Variants in PRKG1 observed in about 807,000 individuals in gnomAD.
PRKG1 encodes protein kinase cGMP-dependent 1.
Under a neutral mutation model 88.1 loss-of-function variants are expected in PRKG1, and 35 were observed. The ratio of observed to expected loss-of-function variants is 0.40; its 90% CI spans 0.30 to 0.53. The LOEUF is 0.53. Ranked by LOEUF, PRKG1 falls within the 20% of genes least tolerant of loss-of-function variation. The pLI is 0.59. For synonymous variants in PRKG1, 303 were observed against 292.5 expected (o/e 1.04, Z -0.37); for missense variants, 540 against 839.8 (o/e 0.64, Z 4.41).
intron 2 of PRKG1, among the ~76,000 whole-genome samples, chr10:51,445,315 C>G (rs1248269393): frequency 6.6e-6 from 1 of 151,764 alleles, no homozygotes; most frequent in Admixed American, 6.6e-5. Flanking sequence ...AAAGCTTTAT[C>G]GTAATCATCA....
intron 5 of PRKG1, among the ~76,000 whole-genome samples, chr10:51,999,818 A>G (rs556641502): frequency 6.6e-6 from 1 of 152,218 alleles, no homozygotes; most frequent in East Asian, 1.9e-4. Context: ...ATTTTAAGGG[A>G]TCATGAGATA....
rs1349341764 is a variant in PRKG1, at chr10:51,990,774, G to A, written c.763-63710G>A. On this transcript the variant is annotated intron_variant, in intron 5 of 17. Coordinates refer to ENST00000373980, the MANE Select transcript of PRKG1 (RefSeq NM_006258.4). Reference sequence around the variant, plus strand: ...CTGTTGTTCCTCTCTATGTGTCCATGCGTTCTCATCATTCAGTTCCCACTT... The same window carrying A: ...CTGTTGTTCCTCTCTATGTGTCCATACGTTCTCATCATTCAGTTCCCACTT... 2.0e-5 allele frequency among the ~76,000 whole-genome samples: 3 copies of A among 151,974 alleles called. No individual in the cohort carries two copies. In the East Asian group the frequency reaches 5.8e-4, roughly 29 times the overall value.
chr10:52,030,923 A>G (rs910424001), intron 5 of PRKG1, among the ~76,000 whole-genome samples: 1 of 152,202 alleles, frequency 6.6e-6, no homozygotes, highest in Non-Finnish European at 1.5e-5. Flanking sequence ...TAGGTAAATT[A>G]TATAATGTAT....
At chr10:51,252,152 A>G (rs1429015377) in intron 2 of PRKG1, among the ~76,000 whole-genome samples, 1 of 151,832 alleles carries the variant, frequency 6.6e-6, no homozygotes, top group African/African-American at 2.4e-5. Flanking sequence ...AGCCGCACAG[A>G]TGACAGAAGC....
At chr10:51,529,381 T>C (rs1379466458) in intron 3 of PRKG1, among the ~76,000 whole-genome samples, 1 of 152,208 alleles carries the variant, frequency 6.6e-6, no homozygotes, top group East Asian at 1.9e-4. Flanking sequence ...TGTTCATTGC[T>C]TGAAGCTCTT....
At chr10:51,289,016 A>G (rs2132218486) in intron 2 of PRKG1, among the ~76,000 whole-genome samples, 1 of 152,184 alleles carries the variant, frequency 6.6e-6, no homozygotes, top group East Asian at 1.9e-4. Flanking sequence ...TATTATCTAG[A>G]ATGGAAAGGC....
intron 2 of PRKG1, among the ~76,000 whole-genome samples, chr10:51,203,257 G>T (rs1399818334): frequency 6.6e-6 from 1 of 152,068 alleles, no homozygotes; most frequent in Non-Finnish European, 1.5e-5. Context: ...TCAAACATTG[G>T]TGACAATTTA....
chr10:51,895,450 C>T (rs1841820246), intron 4 of PRKG1, among the ~76,000 whole-genome samples: 1 of 152,004 alleles, frequency 6.6e-6, no homozygotes, highest in African/African-American at 2.4e-5. Context: ...GGCCTGTTTC[C>T]CAGGCTTTTT....
intron 1 of PRKG1, among the ~76,000 whole-genome samples, chr10:51,138,670 G>GTTTTTTTTTT (rs1402122952): frequency 8.9e-5 from 6 of 67,046 alleles, no homozygotes; most frequent in Non-Finnish European, 1.9e-4. Context: ...TGGACATTGA[G>GTTTTTTTTTT]TTTTGTTTTT....
intron 3 of PRKG1, among the ~76,000 whole-genome samples, chr10:51,737,140 A>T (rs1837300309): frequency 6.6e-6 from 1 of 152,162 alleles, no homozygotes; most frequent in Non-Finnish European, 1.5e-5. Context: ...TACCTAAAGG[A>T]ACTACTATTT....
chr10:51,367,801 G>A (rs1842621331), intron 2 of PRKG1, among the ~76,000 whole-genome samples: 1 of 151,914 alleles, frequency 6.6e-6, no homozygotes, highest in Middle Eastern at 3.4e-3. Context: ...GTAGTAAATT[G>A]GTATTCTCTT....
chr10:52,199,778 G>T (rs1247006124), intron 9 of PRKG1, among the ~76,000 whole-genome samples: 1 of 152,130 alleles, frequency 6.6e-6, no homozygotes. Flanking sequence ...TTTTAAGGAT[G>T]CAGACCTTGG....
In PRKG1 at chr10:51,623,972, C is replaced by A. The variant is rs1434257034; in HGVS notation, c.592+156136C>A. ...ATAGACCCCAGACACCACTCCACAA[C>A]CCCTGGGGCCAAGAGATGATTAGCG... is the stretch of plus-strand genomic sequence containing the variant. On this transcript the variant is annotated intron_variant, in intron 3 of 17. Coordinates refer to ENST00000373980, the MANE Select transcript of PRKG1 (RefSeq NM_006258.4). Among the ~76,000 whole-genome samples the A allele has an allele frequency of 3.3e-5, 5 of 152,168 alleles. No homozygotes were observed. The East Asian group carries it at 9.6e-4, about 29-fold the overall frequency.
intron 4 of PRKG1, among the ~76,000 whole-genome samples, chr10:51,814,429 A>G (rs955219011): frequency 1.4e-4 from 20 of 141,840 alleles, no homozygotes; most frequent in Admixed American, 1.3e-4. Context: ...GGGGGCTGTT[A>G]GAACTTAATT....
At chr10:51,064,092 A>G (rs544168079) in intron 1 of PRKG1, among the ~76,000 whole-genome samples, 1 of 152,248 alleles carries the variant, frequency 6.6e-6, no homozygotes, top group African/African-American at 2.4e-5. Context: ...TTTGCTAAAA[A>G]TATTATTTTT....
intron 1 of PRKG1, among the ~76,000 whole-genome samples, chr10:51,078,306 C>T (rs1005884459): frequency 1.6e-4 from 24 of 151,878 alleles, no homozygotes; most frequent in Non-Finnish European, 7.4e-5. Flanking sequence ...GTAACCTCCG[C>T]CTCCAGGGTT....
intron 2 of PRKG1, among the ~76,000 whole-genome samples, chr10:51,305,534 A>T (rs72803184): frequency 0.079 from 12,030 of 152,146 alleles, 617 homozygotes; most frequent in Non-Finnish European, 0.12. Context: ...AAATCCTCAA[A>T]AACAAAAACT....
intron 3 of PRKG1, among the ~76,000 whole-genome samples, chr10:51,580,694 T>C (rs1015218317): frequency 2.7e-5 from 4 of 147,708 alleles, no homozygotes; most frequent in African/African-American, 9.7e-5. Context: ...TATTTTTTAT[T>C]AAATGTAGAA....
At chr10:51,358,807 CTG>C (rs1399904185) in intron 2 of PRKG1, among the ~76,000 whole-genome samples, 1 of 151,732 alleles carries the variant, frequency 6.6e-6, no homozygotes, top group Admixed American at 6.6e-5. Context: ...GGGTCTTTAA[CTG>C]TGTTACCATA....
Sources: gnomAD v4.1 joint callset for allele counts (sites outside exome capture counted in the v4.1 genomes callset) on GRCh38, gnomAD v4.1.1 for gene constraint, MANE v1.5 for transcripts, NCBI Gene and HGNC (gene_info 2026-07-23, HGNC 2026-07-21) for gene names.